The following DLG2 variants were observed in gnomAD, a reference collection of about 807,000 sequenced individuals.
DLG2 encodes the protein discs large MAGUK scaffold protein 2, also known as disks large homolog 2.
A neutral mutation model predicts 132.5 loss-of-function variants in DLG2; 45 were observed. The ratio of observed to expected loss-of-function variants is 0.34; its 90% confidence interval spans 0.27 to 0.44. DLG2 has a LOEUF of 0.44. Ranked by LOEUF, DLG2 falls within the 20% of genes least tolerant of loss-of-function variation. The pLI is 1.00. For missense variants in DLG2, 1,045 were observed against 1,196.9 expected (o/e 0.87, Z 1.87); for synonymous variants, 424 against 419.6 (o/e 1.01, Z -0.13).
chr11:84,835,540 T>C (rs896353988), intron 6 of DLG2, among the ~76,000 whole-genome samples: 2 of 151,808 alleles, frequency 1.3e-5, no homozygotes, highest in Non-Finnish European at 1.5e-5. Context: ...ATCACCATTA[T>C]TGTTGTTATG....
intron 6 of DLG2, among the ~76,000 whole-genome samples, chr11:84,771,729 C>T (rs934982630): frequency 6.6e-6 from 1 of 152,094 alleles, no homozygotes; most frequent in Admixed American, 6.6e-5. Flanking sequence ...ACAACAACCA[C>T]ACATGGAAAC....
At chr11:84,327,091 T>G (rs1272697877) in intron 7 of DLG2, among the ~76,000 whole-genome samples, 1 of 151,528 alleles carries the variant, frequency 6.6e-6, no homozygotes, top group Non-Finnish European at 1.5e-5. Flanking sequence ...GTAAGTCTTA[T>G]AGACAACATA....
chr11:85,515,473 T>C (rs12788715), intron 3 of DLG2, among the ~76,000 whole-genome samples: 7 of 152,004 alleles, frequency 4.6e-5, no homozygotes, highest in Admixed American at 3.3e-4. Flanking sequence ...TTTCATTTTG[T>C]AAACCTCTTA....
chr11:85,332,808 G>A, intron 3 of DLG2, among the ~76,000 whole-genome samples: 1 of 151,180 alleles, frequency 6.6e-6, no homozygotes, highest in Non-Finnish European at 1.5e-5. Context: ...TGCTCCATTG[G>A]TCTGTCTGTT....
intron 6 of DLG2, among the ~76,000 whole-genome samples, chr11:84,818,402 C>T (rs2077304039): frequency 6.6e-6 from 1 of 151,884 alleles, no homozygotes; most frequent in Non-Finnish European, 1.5e-5. Context: ...TTCTTTCTCT[C>T]TTCTTCCCAT....
chr11:84,239,464 G>A (rs2097199357), intron 8 of DLG2, among the ~76,000 whole-genome samples: 1 of 152,130 alleles, frequency 6.6e-6, no homozygotes, highest in Non-Finnish European at 1.5e-5. Flanking sequence ...TTACAGGCAT[G>A]AGTCACCATG....
At chr11:84,337,630 T>C (rs780043221) in intron 7 of DLG2, among the ~76,000 whole-genome samples, 6 of 152,308 alleles carry the variant, frequency 3.9e-5, no homozygotes, top group Non-Finnish European at 5.9e-5. Flanking sequence ...AAAAATAGTC[T>C]AAATGACTAT....
chr11:84,922,461 T>C (rs2092798120), intron 6 of DLG2, among the ~76,000 whole-genome samples: 1 of 152,180 alleles, frequency 6.6e-6, no homozygotes, highest in Non-Finnish European at 1.5e-5. Flanking sequence ...AGAGGCTCAT[T>C]AGCTACAGCA....
At chr11:83,507,869 A>C (rs1490992346) in intron 21 of DLG2, among the ~76,000 whole-genome samples, 1 of 149,356 alleles carries the variant, frequency 6.7e-6, no homozygotes, top group Non-Finnish European at 1.5e-5. Context: ...CTGCAAGCTG[A>C]GGAGGAAAGA....
intron 6 of DLG2, among the ~76,000 whole-genome samples, chr11:85,003,996 T>C (rs1248767510): frequency 2.0e-5 from 3 of 152,170 alleles, no homozygotes; most frequent in East Asian, 1.9e-4. Flanking sequence ...CTGTGTTAGT[T>C]TGCTGAAAAT....
intron 6 of DLG2, among the ~76,000 whole-genome samples, chr11:85,040,251 T>C (rs2061747585): frequency 1.3e-5 from 2 of 151,924 alleles, no homozygotes; most frequent in Admixed American, 6.6e-5. Flanking sequence ...AACCACTTCT[T>C]GTAGCATGCT....
intron 6 of DLG2, among the ~76,000 whole-genome samples, chr11:84,868,699 T>C (rs534591060): frequency 3.3e-5 from 5 of 152,300 alleles, no homozygotes; most frequent in South Asian, 4.1e-4. Context: ...ACCCCCGACA[T>C]AGACTCGTAG....
chr11:84,927,241 A>G lies in DLG2; in HGVS notation c.357+184420T>C, dbSNP rs1428393943. 3.3e-5 allele frequency among the ~76,000 whole-genome samples: 5 copies of G among 152,066 alleles called. No individual in the cohort carries two copies. The East Asian group carries it at 5.8e-4, about 18-fold the overall frequency. On this transcript the variant is annotated intron_variant, in intron 6 of 27. Coordinates refer to ENST00000376104, the MANE Select transcript of DLG2 (RefSeq NM_001142699.3). The stretch of plus-strand genomic sequence containing the variant: ...GGACAAATAATTCATATTGCTAGAC[A>G]TCTTTTTCCTAATCTATAAAATAAG...
At chr11:84,808,021 A>G (rs1296251509) in intron 6 of DLG2, among the ~76,000 whole-genome samples, 2 of 152,156 alleles carry the variant, frequency 1.3e-5, no homozygotes. Context: ...AGAATTCTCC[A>G]TAAAAAACTA....
rs1303274126 is a variant in DLG2, at chr11:84,929,000, A to G, written c.357+182661T>C. 3.6e-3 allele frequency among the ~76,000 whole-genome samples: 454 copies of G among 126,236 alleles called. 3 individuals are homozygous for G. Among genetic ancestry groups the G allele is most frequent in the African/African-American group, 0.011 (358 of 32,890 alleles). 82.8% of individuals were successfully genotyped at this position (126,236 alleles called of 152,430 possible). On this transcript the variant is annotated intron_variant, in intron 6 of 27. Coordinates refer to ENST00000376104, the MANE Select transcript of DLG2 (RefSeq NM_001142699.3). ...TGTGTGTGTATATATATATATATAT[A>G]TATATATATATATATATATATATAT...
At chr11:83,869,956 C>A (rs1386798155) in intron 16 of DLG2, among the ~76,000 whole-genome samples, 1 of 152,178 alleles carries the variant, frequency 6.6e-6, no homozygotes, top group African/African-American at 2.4e-5. Flanking sequence ...GCTGAAGATA[C>A]TTCTTACTCT....
chr11:84,024,306 G>C (rs1398981794), intron 11 of DLG2, among the ~76,000 whole-genome samples: 1 of 152,158 alleles, frequency 6.6e-6, no homozygotes. Context: ...CTTTAGTGCA[G>C]ATTGAGGGTC....
At chr11:84,021,762 CT>C (rs199809383) in intron 11 of DLG2, among the ~76,000 whole-genome samples, 82 of 147,296 alleles carry the variant, frequency 5.6e-4, no homozygotes, top group African/African-American at 8.5e-4. Flanking sequence ...ACAACTACTT[CT>C]TTTTTTTTTT....
chr11:83,948,936 G>A (rs374036690), intron 14 of DLG2, among the ~76,000 whole-genome samples: 2 of 152,138 alleles, frequency 1.3e-5, no homozygotes, highest in African/African-American at 2.4e-5. Flanking sequence ...GCTTACTCAT[G>A]CATAAAGTGA....
Sources: gnomAD v4.1 joint callset for allele counts (sites outside exome capture counted in the v4.1 genomes callset) on GRCh38, gnomAD v4.1.1 for gene constraint, MANE v1.5 for transcripts, NCBI Gene and HGNC (gene_info 2026-07-23, HGNC 2026-07-21) for gene names.